The following TEAD1 variants were observed in gnomAD, a reference collection of about 807,000 sequenced individuals.
TEAD1 encodes transcriptional enhancer factor TEF-1.
Under a neutral mutation model 54.9 loss-of-function variants are expected in TEAD1, and 9 were observed. The observed-to-expected ratio is 0.16, with a 90% confidence interval of 0.10 to 0.29. The LOEUF (loss-of-function observed/expected upper bound fraction) is 0.29, where lower values mean the gene tolerates loss of function less well. Ranked by LOEUF, TEAD1 falls within the 10% of genes least tolerant of loss-of-function variation. TEAD1 has a pLI of 1.00. For missense variants in TEAD1, 387 were observed against 535.9 expected (o/e 0.72, Z 2.74); for synonymous variants, 200 against 187.8 (o/e 1.07, Z -0.53).
chr11:12,804,543 T>C (rs922766445), intron 3 of TEAD1, among the ~76,000 whole-genome samples: 2 of 152,166 alleles, frequency 1.3e-5, no homozygotes, highest in South Asian at 4.1e-4. Flanking sequence ...TACCTAAGAG[T>C]GACAAACATG....
chr11:12,723,336 T>A (rs1944250688), intron 2 of TEAD1, among the ~76,000 whole-genome samples: 1 of 152,210 alleles, frequency 6.6e-6, no homozygotes, highest in Non-Finnish European at 1.5e-5. Context: ...ACTTAGTATT[T>A]TTGTTTTCTT....
At chr11:12,718,718 T>G (rs564163954) in intron 2 of TEAD1, among the ~76,000 whole-genome samples, 1 of 152,282 alleles carries the variant, frequency 6.6e-6, no homozygotes, top group African/African-American at 2.4e-5. Context: ...ACTCTTGTCT[T>G]TAGAGTAGTG....
At chr11:12,914,814 C>T (rs1215250732) in intron 10 of TEAD1, among the ~76,000 whole-genome samples, 2 of 152,246 alleles carry the variant, frequency 1.3e-5, no homozygotes, top group Admixed American at 6.5e-5. Flanking sequence ...GCACTGCGTG[C>T]CCTGCCTGGC....
chr11:12,774,613 C>T (rs1351973439), intron 3 of TEAD1, among the ~76,000 whole-genome samples: 1 of 152,136 alleles, frequency 6.6e-6, no homozygotes, highest in East Asian at 1.9e-4. Context: ...TTACATGGGC[C>T]AGCCATACAA....
At chr11:12,861,164 C>G (rs1947492213) in intron 3 of TEAD1, among the ~76,000 whole-genome samples, 1 of 152,210 alleles carries the variant, frequency 6.6e-6, no homozygotes, top group Non-Finnish European at 1.5e-5. Flanking sequence ...ATAGGACCTG[C>G]TTAGAAGAAC....
intron 9 of TEAD1, 102 bp downstream of exon 9, chr11:12,883,227 C>A: frequency 6.4e-7 from 1 of 1,563,008 alleles, no homozygotes; most frequent in Admixed American, 1.7e-5. Flanking sequence ...CGCCCCATGC[C>A]TGACAAATAT....
At position 12,764,382 on chromosome 11, in the gene TEAD1, T is replaced by C; in HGVS notation, c.150T>C (p.Tyr50=). ...GCTTTCAGGAGGCCCTGGCTATCTA[T>C]CCACCATGTGGGAGGAGGAAAATCA... Residue 50 remains tyrosine (Y), a synonymous_variant, in exon 3 of 13, where the codon TAT becomes TAC. Coordinates refer to ENST00000527636, the MANE Select transcript of TEAD1 (RefSeq NM_021961.6). The C allele has an allele frequency of 6.2e-7, 1 of 1,614,150 alleles. No homozygotes were observed. Among genetic ancestry groups the C allele is most frequent in the South Asian group, 1.1e-5 (1 of 91,080 alleles).
intron 5 of TEAD1, among the ~76,000 whole-genome samples, chr11:12,870,873 G>A (rs548604099): frequency 4.7e-4 from 72 of 152,234 alleles, no homozygotes; most frequent in Non-Finnish European, 7.8e-4. Context: ...GCAACAGAGC[G>A]AGACTCTGTC....
intron 9 of TEAD1, 58 bp from the exon 10 acceptor site, chr11:12,901,882 T>G: frequency 4.4e-6 from 7 of 1,608,534 alleles, no homozygotes; most frequent in African/African-American, 1.3e-5. Context: ...TCAAGATGGA[T>G]GAGTTCCAGG....
At chr11:12,904,036 T>C (rs916717699) in intron 10 of TEAD1, among the ~76,000 whole-genome samples, 4 of 152,192 alleles carry the variant, frequency 2.6e-5, no homozygotes, top group African/African-American at 7.2e-5. Flanking sequence ...TTCCTTGATA[T>C]CATTTTAATG....
At chr11:12,901,673 A>T (rs1241691804) in intron 9 of TEAD1, among the ~76,000 whole-genome samples, 6 of 152,202 alleles carry the variant, frequency 3.9e-5, no homozygotes, top group African/African-American at 1.2e-4. Context: ...GGGTAACTTA[A>T]GCTGTTGTTA....
intron 3 of TEAD1, among the ~76,000 whole-genome samples, chr11:12,826,815 T>C (rs1003229588): frequency 1.3e-5 from 2 of 152,194 alleles, no homozygotes; most frequent in African/African-American, 2.4e-5. Context: ...CCTGTGAGCT[T>C]AGGGCTCAGA....
intron 3 of TEAD1, among the ~76,000 whole-genome samples, chr11:12,800,628 G>A (rs539213036): frequency 2.6e-5 from 4 of 152,308 alleles, no homozygotes; most frequent in Non-Finnish European, 5.9e-5. Context: ...AGCACAGCAC[G>A]TAGAGGGGAC....
intron 3 of TEAD1, among the ~76,000 whole-genome samples, chr11:12,780,718 A>C (rs575232320): frequency 1.8e-4 from 28 of 152,344 alleles, no homozygotes; most frequent in African/African-American, 6.3e-4. Context: ...AACCGAATAA[A>C]TTGGAAGACA....
At chr11:12,740,118 G>A (rs1180996241) in intron 2 of TEAD1, among the ~76,000 whole-genome samples, 1 of 152,174 alleles carries the variant, frequency 6.6e-6, no homozygotes, top group Non-Finnish European at 1.5e-5. Context: ...TTATGTGGTG[G>A]TTATCAATTA....
intron 12 of TEAD1, among the ~76,000 whole-genome samples, chr11:12,934,698 T>G (rs1196084109): frequency 2.0e-5 from 3 of 152,120 alleles, no homozygotes; most frequent in Non-Finnish European, 4.4e-5. Flanking sequence ...TCACCTTGAT[T>G]TATAAACAGA....
rs533192510 is a variant in TEAD1 at position 12,752,021 on chromosome 11, G to A, written c.-54-12158G>A. Among the ~76,000 whole-genome samples the A allele has an allele frequency of 1.2e-4, 18 of 152,270 alleles. No individual in the cohort carries two copies. In the East Asian group the frequency reaches 2.1e-3, roughly 18 times the overall value. ...CTTTGTAAAGATCAGTCTGTGTGAC[G>A]TGATGAGCAGCGTCTTCCACATCCT... On this transcript the variant is annotated intron_variant, in intron 2 of 12. Transcript: ENST00000527636.
intron 9 of TEAD1, among the ~76,000 whole-genome samples, chr11:12,899,840 C>G (rs532844781): frequency 1.3e-5 from 2 of 152,262 alleles, no homozygotes; most frequent in East Asian, 3.9e-4. Context: ...GGACCTGGCC[C>G]TCTCCAAAAG....
At chr11:12,929,806 A>G (rs557925159) in intron 11 of TEAD1, among the ~76,000 whole-genome samples, 1 of 152,300 alleles carries the variant, frequency 6.6e-6, no homozygotes, top group East Asian at 1.9e-4. Context: ...CTTTATCACA[A>G]TAAAGAGATT....
Sources: allele counts gnomAD v4.1 joint callset (sites outside exome capture counted in the v4.1 genomes callset), GRCh38; gene constraint gnomAD v4.1.1; transcripts MANE v1.5; gene names NCBI Gene and HGNC (gene_info 2026-07-23, HGNC 2026-07-21).